Variants in MTRR observed in about 807,000 individuals in gnomAD.
MTRR encodes the protein methionine synthase reductase.
Under a neutral mutation model 79.2 loss-of-function variants are expected in MTRR, and 63 were observed. The ratio of observed to expected loss-of-function variants is 0.80; its 90% CI spans 0.65 to 0.98. The LOEUF (loss-of-function observed/expected upper bound fraction) is 0.98. Among genes scored for constraint, MTRR ranks in the 50% least tolerant of loss-of-function variants. The pLI is 0.00. For synonymous variants in MTRR, 355 were observed against 313.3 expected (o/e 1.13, Z -1.41); for missense variants, 895 against 839.6 (o/e 1.07, Z -0.82).
rs754157293 is a variant in MTRR at position 7,877,947 on chromosome 5, A to C, written c.405A>C (p.Leu135Phe). 2.4e-5 allele frequency: 38 copies of C among 1,612,842 alleles called. No homozygotes were observed. Among genetic ancestry groups the C allele is most frequent in the Non-Finnish European group, 3.1e-5 (37 of 1,179,992 alleles). Residue 135 changes from leucine (L) to phenylalanine (F), a missense_variant, in exon 5 of 15, where the codon TTA becomes TTC. Transcript: ENST00000440940. ...TTCGTTTGTTTTTACTGTCCAGTTT[A>C]GAACTTGTGGTTGAGCCGTGGATTG... ...DTGHADDCVG[L>F]ELVVEPWIAG...
At chr5:7,855,035 C>CTGTTGT (rs1469792883) in intron 1 of MTRR, among the ~76,000 whole-genome samples, 6 of 152,176 alleles carry the variant, frequency 3.9e-5, no homozygotes, top group African/African-American at 1.2e-4. Flanking sequence ...AGTTAGACAA[C>CTGTTGT]ACCAAATCAA....
upstream of MTRR, among the ~76,000 whole-genome samples, chr5:7,868,807 C>T (rs1343634137): frequency 6.6e-6 from 1 of 152,124 alleles, no homozygotes; most frequent in African/African-American, 2.4e-5. Context: ...GGAGGCCCCG[C>T]GGCGCGTTTT....
intron 4 of MTRR, among the ~76,000 whole-genome samples, chr5:7,875,587 A>G (rs1734397201): frequency 6.6e-6 from 1 of 152,236 alleles, no homozygotes; most frequent in Non-Finnish European, 1.5e-5. Context: ...CCTTGTCAGT[A>G]TATGCTAACG....
chr5:7,876,728 G>A (rs2126683620), intron 4 of MTRR, among the ~76,000 whole-genome samples: 1 of 152,292 alleles, frequency 6.6e-6, no homozygotes, highest in East Asian at 1.9e-4. Flanking sequence ...TAAGCTTTTT[G>A]TTCCTTGGTT....
Position 7,857,924 on chromosome 5 carries a change from G to A in MTRR, n.392-4027G>A, listed in dbSNP as rs1410777139. Reference sequence around the variant, plus strand: ...GGGAAAAGCTTGCAATGGATGAGATGGACTTACATCAACAGCACAGGTGAA... The same window carrying A: ...GGGAAAAGCTTGCAATGGATGAGATAGACTTACATCAACAGCACAGGTGAA... On this transcript the variant is annotated intron_variant and non_coding_transcript_variant, in intron 1 of 3. Coordinates refer to the MTRR transcript ENST00000502509. 5.9e-5 allele frequency among the ~76,000 whole-genome samples: 9 copies of A among 152,212 alleles called. 1 individual carries two copies. The highest frequency in any genetic ancestry group is 5.9e-4 in the Admixed American group (9 of 15,278).
At chr5:7,866,789 AG>A, upstream of MTRR, 1 of 1,614,216 alleles carries the variant, frequency 6.2e-7, no homozygotes, top group Non-Finnish European at 8.5e-7. Flanking sequence ...CACGTTTTCC[AG>A]CTTTCTAAAT....
intron 9 of MTRR, among the ~76,000 whole-genome samples, chr5:7,890,673 G>A (rs1216908634): frequency 2.0e-5 from 3 of 151,860 alleles, no homozygotes; most frequent in Admixed American, 6.5e-5. Flanking sequence ...AAAACTCTAC[G>A]CCATTATACA....
rs1747366914 is a variant in MTRR, at chr5:7,869,163, A to G, written c.-78A>G. The G allele has an allele frequency of 6.2e-7, 1 of 1,612,700 alleles. No homozygotes were observed. On this transcript the variant is annotated 5_prime_UTR_variant, in exon 1 of 15. Coordinates refer to ENST00000440940, the MANE Select transcript of MTRR (RefSeq NM_002454.3). ...GCGCTGCGTCAGTGCGCGCTGGCGCAAGGTTGGTGGAAGTCGCGTTGTGCA... is the reference window on the plus strand; with the variant it reads ...GCGCTGCGTCAGTGCGCGCTGGCGCGAGGTTGGTGGAAGTCGCGTTGTGCA...
chr5:7,862,750 CT>C (rs1036106828), intron 2 of MTRR: 2 of 1,304,360 alleles, frequency 1.5e-6, no homozygotes. Context: ...TCTATTGCTT[CT>C]AAGTCCCATA....
At chr5:7,883,386 T>C (rs1244859911) in intron 6 of MTRR, 109 bp downstream of exon 6, 1 of 1,429,266 alleles carries the variant, frequency 7.0e-7, no homozygotes, top group Non-Finnish European at 9.7e-7. Flanking sequence ...TGGTTACATA[T>C]GCTGAGTTGT....
chr5:7,895,502 T>A (rs1354400815), intron 11 of MTRR, among the ~76,000 whole-genome samples: 3 of 152,234 alleles, frequency 2.0e-5, no homozygotes, highest in Non-Finnish European at 4.4e-5. Flanking sequence ...ACACCATGCC[T>A]ATCATTTTTT....
chr5:7,889,877 G>T (rs754157318), intron 9 of MTRR, among the ~76,000 whole-genome samples: 1 of 152,076 alleles, frequency 6.6e-6, no homozygotes, highest in Non-Finnish European at 1.5e-5. Context: ...TTCAGATGAA[G>T]AGTAACCCAT....
rs1192702371 is a variant in MTRR at position 7,899,958 on chromosome 5, A to G, written c.1997A>G (p.Gln666Arg). ...MAKDVHDALV[Q>R]IISKEVGVEK... ...AAGGATGTACATGATGCCCTTGTGC[A>G]AATAATAAGCAAAGAGGTTGGAGTT... is the stretch of plus-strand genomic sequence containing the variant. The change falls in exon 15 of 15, where the codon CAA becomes CGA. Residue 666 changes from glutamine to arginine, a missense_variant. Gln to Arg is a conservative substitution (Grantham distance 43). Transcript: ENST00000440940. 1 of 1,614,222 alleles carries G rather than the reference A, an allele frequency of 6.2e-7. No individual in the cohort carries two copies. The highest frequency in any genetic ancestry group is 8.5e-7 in the Non-Finnish European group (1 of 1,180,032).
chr5:7,896,618 T>C, intron 12 of MTRR: 2 of 561,998 alleles, frequency 3.6e-6, no homozygotes, highest in Non-Finnish European at 3.2e-6. Flanking sequence ...TGTGATACTT[T>C]GAATTGTCCT....
chr5:7,884,405 A>G (rs543056493), intron 6 of MTRR, among the ~76,000 whole-genome samples: 17 of 152,306 alleles, frequency 1.1e-4, no homozygotes, highest in Admixed American at 3.3e-4. Context: ...ATCTATGCAC[A>G]TCCTCCCCTA....
chr5:7,883,341 G>A (rs1735878424), intron 6 of MTRR, 64 bp downstream of exon 6: 3 of 1,607,644 alleles, frequency 1.9e-6, no homozygotes, highest in Non-Finnish European at 2.6e-6. Context: ...AGAGTTGTGT[G>A]GTGCTTGGTT....
At chr5:7,877,634 AG>A (rs562124332) in intron 4 of MTRR, among the ~76,000 whole-genome samples, 36 of 152,190 alleles carry the variant, frequency 2.4e-4, no homozygotes, top group Middle Eastern at 3.4e-3. Context: ...CTTAAAATAA[AG>A]TTTACCAATT....
rs1266481180 is a variant in MTRR at position 7,861,220 on chromosome 5, T to C, written n.392-731T>C. The C allele has an allele frequency of 2.5e-6, 4 of 1,612,494 alleles. No homozygotes were observed. In the African/African-American group the frequency reaches 4.0e-5, roughly 16 times the overall value. On this transcript the variant is annotated intron_variant and non_coding_transcript_variant, in intron 1 of 3. Transcript: ENST00000502509. ...GCTTCTTTCCCCAGTAAGTGTTTGC[T>C]ATTGGAGCAAAACCTTTTTGGACCA...
chr5:7,893,198 C>T (rs1737932990), intron 11 of MTRR: 2 of 423,324 alleles, frequency 4.7e-6, no homozygotes, highest in Non-Finnish European at 8.7e-6. Flanking sequence ...ATTCTTGGTA[C>T]ATTGGCCTGG....
Sources: gnomAD v4.1 joint callset for allele counts (sites outside exome capture counted in the v4.1 genomes callset) on GRCh38, gnomAD v4.1.1 for gene constraint, MANE v1.5 for transcripts, NCBI Gene and HGNC (gene_info 2026-07-23, HGNC 2026-07-21) for gene names.